HTRA4: variants seen among roughly 807,000 people sequenced by gnomAD.
HTRA4 encodes the protein serine protease HTRA4.
In HTRA4, 46 loss-of-function variants were observed where a neutral mutation model predicts 49.1. The observed-to-expected ratio is 0.94, with a 90% CI of 0.74 to 1.20. The LOEUF (loss-of-function observed/expected upper bound fraction) is 1.20, where lower values mean the gene tolerates loss of function less well. HTRA4 is among the 50% of genes most tolerant of loss of function. The pLI is 0.00. For synonymous variants in HTRA4, 261 were observed against 264.0 expected, an observed-to-expected ratio of 0.99 and a Z score of 0.11; for missense variants, 602 against 636.9, an observed-to-expected ratio of 0.95 and a Z score of 0.59.
chr8:38,984,432 G>A (rs1835460081), intron 8 of HTRA4, among the ~76,000 whole-genome samples: 1 of 151,438 alleles, frequency 6.6e-6, no homozygotes, highest in Admixed American at 6.6e-5. Context: ...GGGGAACACG[G>A]TGAAACCCTG....
In HTRA4 at chr8:38,988,092, C is replaced by G. The variant is rs1207506201; in HGVS notation, c.1425C>G (p.Ile475Met). ...NLLLTVIPET[I>M]N ...TCCTGACAGTCATACCTGAAACAAT[C>G]AATTAAATATCTTGTTTTAAAGTGG... The change falls in exon 9 of 9, where the codon ATC becomes ATG. Residue 475 changes from isoleucine to methionine, a missense_variant. By Grantham distance (10) the Ile-to-Met change is conservative. Transcript: ENST00000302495. The G allele has an allele frequency of 7.1e-6, 11 of 1,557,894 alleles. No individual in the cohort carries two copies. Among genetic ancestry groups the G allele is most frequent in the African/African-American group, 1.4e-5 (1 of 70,916 alleles).
intron 6 of HTRA4, 146 bp from the exon 7 acceptor site, chr8:38,982,352 A>T: frequency 3.0e-6 from 2 of 666,878 alleles, no homozygotes; most frequent in Admixed American, 5.3e-5. Context: ...AGTGCTAATG[A>T]CAAAGGTTCT....
At chr8:38,983,209 A>G (rs1160083268) in intron 8 of HTRA4, among the ~76,000 whole-genome samples, 161 bp downstream of exon 8, 3 of 152,216 alleles carry the variant, frequency 2.0e-5, no homozygotes, top group African/African-American at 7.2e-5. Context: ...TGACTGAGGA[A>G]CTGAATTTTG....
intron 8 of HTRA4, among the ~76,000 whole-genome samples, chr8:38,987,557 A>C (rs1246394648): frequency 6.6e-6 from 1 of 152,102 alleles, no homozygotes; most frequent in Non-Finnish European, 1.5e-5. Context: ...GGGAGAAAAC[A>C]TATTGCTTGG....
At chr8:38,986,466 A>G (rs28641150) in intron 8 of HTRA4, among the ~76,000 whole-genome samples, 1 of 151,828 alleles carries the variant, frequency 6.6e-6, no homozygotes, top group African/African-American at 2.4e-5. Context: ...ACGAGGTTTC[A>G]CTATGTTGGG....
In HTRA4 at chr8:38,981,760, G is replaced by A; in HGVS notation, c.1107G>A (p.Gln369=). ...RQFLAEYHEH[Q]MKGKAFSNKK... Reference sequence around the variant, plus strand: ...TCTTGGCAGAATACCATGAGCACCAGATGAAAGGTAAAGCAAGTTGGGATT... The same window carrying A: ...TCTTGGCAGAATACCATGAGCACCAAATGAAAGGTAAAGCAAGTTGGGATT... Residue 369 remains glutamine, a synonymous_variant, in exon 6 of 9, where the codon CAG becomes CAA. Transcript: ENST00000302495. 1 of 1,605,524 alleles carries A rather than the reference G, an allele frequency of 6.2e-7. No individual in the cohort carries two copies. The highest frequency in any genetic ancestry group is 8.5e-7 in the Non-Finnish European group (1 of 1,174,148).
chr8:38,974,500 C>T lies in HTRA4; in HGVS notation c.237C>T (p.Val79=). The change falls in exon 1 of 9, where the codon GTC becomes GTT. Residue 79 remains valine, a synonymous_variant. Transcript: ENST00000302495. ...CRVCPAAERE[V]CGGAQGQPCA... ...TCTGCCCCGCGGCCGAGCGTGAAGT[C>T]TGCGGCGGGGCGCAGGGCCAACCGT... The T allele has an allele frequency of 6.7e-7, 1 of 1,497,424 alleles. No individual in the cohort carries two copies. The highest frequency in any genetic ancestry group is 1.3e-5 in the South Asian group (1 of 78,580). 92.8% of individuals were successfully genotyped at this position (1,497,424 alleles called of 1,614,324 possible). A position where few individuals can be genotyped will look rare whatever the true frequency, so the allele number is the denominator to read the frequency against.
chr8:38,977,955 T>C lies in HTRA4; in HGVS notation c.774T>C (p.Ala258=), dbSNP rs1309053611. The change falls in exon 4 of 9, where the codon GCT becomes GCC. Residue 258 remains alanine, a splice_region_variant and synonymous_variant. Coordinates refer to ENST00000302495, the MANE Select transcript of HTRA4 (RefSeq NM_153692.4). ...CATCCCTTTTTGGGCACGTGCAGGCTGAACTTCCTGTACTGATGCTGGGAA... is the reference window on the plus strand; with the variant it reads ...CATCCCTTTTTGGGCACGTGCAGGCCGAACTTCCTGTACTGATGCTGGGAA... The part of the protein sequence containing the change: ...DLAVIKIESN[A]ELPVLMLGRS... 6.2e-7 allele frequency: 1 copy of C among 1,613,448 alleles called. No homozygotes were observed. Among genetic ancestry groups the C allele is most frequent in the Non-Finnish European group, 8.5e-7 (1 of 1,179,854 alleles).
rs767938827 is a variant in HTRA4, at chr8:38,974,645, G to C, written c.382G>C (p.Ala128Pro). The change falls in exon 1 of 9, where the codon GCG becomes CCG. Residue 128 changes from alanine (A) to proline (P), a missense_variant. Transcript: ENST00000302495. Reference sequence around the variant, plus strand: ...CAGGCGCACCTACCCCAGCATGTGCGCGCTCCGGGCCGAAAACCGCGCCGC... The same window carrying C: ...CAGGCGCACCTACCCCAGCATGTGCCCGCTCCGGGCCGAAAACCGCGCCGC... ...SDRRTYPSMC[A>P]LRAENRAARR... 2 of 1,406,154 alleles carry C rather than the reference G, an allele frequency of 1.4e-6. No individual in the cohort carries two copies. The highest frequency in any genetic ancestry group is 3.1e-5 in the South Asian group (2 of 63,598). The allele number at this position is 1,406,154 out of a possible 1,614,324, so 87.1% of individuals were successfully genotyped here. A position where few individuals can be genotyped will look rare whatever the true frequency, so the allele number is the denominator to read the frequency against.
chr8:38,977,188 G>A (rs946880126), intron 3 of HTRA4, among the ~76,000 whole-genome samples: 3 of 151,900 alleles, frequency 2.0e-5, no homozygotes, highest in Non-Finnish European at 4.4e-5. Context: ...CGCCCGCTTC[G>A]GCCTCCCAAA....
At chr8:38,979,310 C>T in intron 5 of HTRA4, 63 bp downstream of exon 5, 1 of 1,480,422 alleles carries the variant, frequency 6.8e-7, no homozygotes, top group Admixed American at 1.7e-5. Context: ...TTTATTAATT[C>T]CAGGCCAGGG....
chr8:38,977,026 C>A (rs1018146549), intron 3 of HTRA4, among the ~76,000 whole-genome samples: 4 of 152,154 alleles, frequency 2.6e-5, no homozygotes, highest in African/African-American at 9.7e-5. Flanking sequence ...ACCTCTGCCT[C>A]CTGGGTTCAA....
rs1266865749 is a variant in HTRA4 at position 38,976,588 on chromosome 8, T to A, written c.620T>A (p.Val207Glu). ...VPVYSGSGFIVSEDGLIITNA... is the reference protein window; with the variant it reads ...VPVYSGSGFIESEDGLIITNA... ...GTGTACAGTGGCTCTGGGTTCATAG[T>A]GTCTGAGGACGGGCTCATTATTACC... The change falls in exon 3 of 9, where the codon GTG becomes GAG. Residue 207 changes from valine to glutamate, a missense_variant. By Grantham distance (121) the Val-to-Glu change is moderately radical. Coordinates refer to ENST00000302495, the MANE Select transcript of HTRA4 (RefSeq NM_153692.4). 1.2e-6 allele frequency: 2 copies of A among 1,614,172 alleles called. No individual in the cohort carries two copies. Among genetic ancestry groups the A allele is most frequent in the South Asian group, 2.2e-5 (2 of 91,088 alleles).
chr8:38,981,642 TC>T lies in HTRA4; in HGVS notation c.1000-8del. 1 of 1,602,248 alleles carries T rather than the reference TC, an allele frequency of 6.2e-7. No individual in the cohort carries two copies. Among genetic ancestry groups the T allele is most frequent in the Non-Finnish European group, 8.5e-7 (1 of 1,169,994 alleles). ...AACTTCATGACTGAATGATGTCCCC[TC>T]CCTTGCCAGGATGGTGATGTGATTG... On this transcript the variant is annotated splice_polypyrimidine_tract_variant and intron_variant, in intron 5 of 8. Coordinates refer to ENST00000302495, the MANE Select transcript of HTRA4 (RefSeq NM_153692.4).
Position 38,974,657 on chromosome 8 carries a change from GA to G in HTRA4, c.398del (p.Asn133ThrfsTer74). 1 of 1,402,558 alleles carries G rather than the reference GA, an allele frequency of 7.1e-7. No homozygotes were observed. The highest frequency in any genetic ancestry group is 9.2e-7 in the Non-Finnish European group (1 of 1,087,964). 86.9% of individuals were successfully genotyped at this position (1,402,558 alleles called of 1,614,324 possible). On this transcript the variant is annotated frameshift_variant, in exon 1 of 9. Coordinates refer to ENST00000302495, the MANE Select transcript of HTRA4 (RefSeq NM_153692.4). LOFTEE classifies it high-confidence loss of function. ...CCCCAGCATGTGCGCGCTCCGGGCCGAAAACCGCGCCGCGCGCCGCCTGGGC... is the reference window on the plus strand; with the variant it reads ...CCCCAGCATGTGCGCGCTCCGGGCCGAAACCGCGCCGCGCGCCGCCTGGGC... ...TYPSMCALRAENRAARRLGKV... is the reference protein window; with the variant it reads ...TYPSMCALRAXNRAARRLGKV...
intron 3 of HTRA4, 132 bp from the exon 4 acceptor site, chr8:38,977,821 C>G: frequency 1.3e-6 from 1 of 781,308 alleles, no homozygotes; most frequent in Non-Finnish European, 2.0e-6. Flanking sequence ...TGAGTGGGTG[C>G]TTCTCAGGTG....
At chr8:38,981,412 C>G (rs1169694430) in intron 5 of HTRA4, among the ~76,000 whole-genome samples, 1 of 151,992 alleles carries the variant, frequency 6.6e-6, no homozygotes, top group Non-Finnish European at 1.5e-5. Context: ...CCTCAGCATC[C>G]TTGATCCTTT....
intron 2 of HTRA4, among the ~76,000 whole-genome samples, chr8:38,975,624 G>A (rs986378377): frequency 6.6e-6 from 1 of 152,190 alleles, no homozygotes; most frequent in African/African-American, 2.4e-5. Flanking sequence ...TGCTCAGGCT[G>A]GTCTCGAACT....
At chr8:38,980,059 A>G (rs1381632703) in intron 5 of HTRA4, among the ~76,000 whole-genome samples, 1 of 152,182 alleles carries the variant, frequency 6.6e-6, no homozygotes, top group South Asian at 2.1e-4. Context: ...TCTCAAATAC[A>G]TTGCCGTGTC....
Sources: allele counts gnomAD v4.1 joint callset (sites outside exome capture counted in the v4.1 genomes callset), GRCh38; gene constraint gnomAD v4.1.1; transcripts MANE v1.5; gene names NCBI Gene and HGNC (gene_info 2026-07-23, HGNC 2026-07-21).